TNKS: variants seen among roughly 807,000 people sequenced by gnomAD.
TNKS encodes the protein poly [ADP-ribose] polymerase tankyrase-1.
TNKS carries 72 observed loss-of-function variants against 135.8 expected under a neutral mutation model. That is an observed-to-expected ratio of 0.53 (90% CI 0.44 to 0.64). The LOEUF is 0.64. TNKS is among the 30% of genes least tolerant of loss of function. TNKS has a pLI of 0.00. For missense variants in TNKS, 1,769 were observed against 1,674.0 expected, an observed-to-expected ratio of 1.06 and a Z score of -0.99; for synonymous variants, 849 against 649.3, an observed-to-expected ratio of 1.31 and a Z score of -4.68.
At position 9,615,719 on chromosome 8, in the gene TNKS, C is replaced by T. The variant is rs752068402; in HGVS notation, c.994+42C>T. 84 of 1,469,838 alleles carry T rather than the reference C, an allele frequency of 5.7e-5. No homozygotes were observed. In the Middle Eastern group the frequency reaches 8.6e-4, roughly 15 times the overall value. The allele number at this position is 1,469,838 out of a possible 1,614,324, so 91.0% of individuals were successfully genotyped here. On this transcript the variant is annotated intron_variant, in intron 3 of 26. Coordinates refer to ENST00000310430, the MANE Select transcript of TNKS (RefSeq NM_003747.3). ...CTACCGAATGATTATATCTGTGTAACTCCTTACTTGATTTTATAAAATCTT... is the reference window on the plus strand; with the variant it reads ...CTACCGAATGATTATATCTGTGTAATTCCTTACTTGATTTTATAAAATCTT...
chr8:9,598,248 C>T (rs1415858925), intron 2 of TNKS, among the ~76,000 whole-genome samples: 6 of 151,956 alleles, frequency 3.9e-5, no homozygotes, highest in Non-Finnish European at 7.4e-5. Context: ...GGGGTTTCAC[C>T]GTGTTAGCCA....
intron 5 of TNKS, among the ~76,000 whole-genome samples, chr8:9,697,450 T>C (rs1803570336): frequency 6.6e-6 from 1 of 152,108 alleles, no homozygotes; most frequent in African/African-American, 2.4e-5. Context: ...AACTGACAAG[T>C]GGGACCTAAT....
At chr8:9,629,408 G>A (rs900682438) in intron 3 of TNKS, among the ~76,000 whole-genome samples, 1 of 152,252 alleles carries the variant, frequency 6.6e-6, no homozygotes, top group South Asian at 2.1e-4. Flanking sequence ...ATGTTAACTA[G>A]TTTATTTCAT....
chr8:9,603,040 T>C (rs1482606679), intron 2 of TNKS, among the ~76,000 whole-genome samples: 1 of 152,176 alleles, frequency 6.6e-6, no homozygotes, highest in Non-Finnish European at 1.5e-5. Context: ...CAACTATCAA[T>C]TTTTAAATTT....
chr8:9,691,824 A>G (rs1317229879), intron 5 of TNKS, among the ~76,000 whole-genome samples: 1 of 152,082 alleles, frequency 6.6e-6, no homozygotes, highest in East Asian at 1.9e-4. Context: ...GTCATTGCTT[A>G]TGTTTTCTAT....
intron 2 of TNKS, among the ~76,000 whole-genome samples, chr8:9,610,260 T>G (rs2128763187): frequency 6.6e-6 from 1 of 151,778 alleles, no homozygotes; most frequent in Non-Finnish European, 1.5e-5. Flanking sequence ...TAATGTGTAT[T>G]TTGGATGAAA....
intron 22 of TNKS, 41 bp from the exon 23 acceptor site, chr8:9,764,675 C>A (rs1413285499): frequency 1.3e-5 from 20 of 1,483,408 alleles, no homozygotes; most frequent in Non-Finnish European, 1.8e-5. Context: ...TAGAATTACA[C>A]ACTGGGATGT....
intron 20 of TNKS, among the ~76,000 whole-genome samples, chr8:9,760,583 A>G (rs894625640): frequency 6.6e-6 from 1 of 152,174 alleles, no homozygotes; most frequent in African/African-American, 2.4e-5. Flanking sequence ...AATCTTGTAG[A>G]CTAGTATATG....
At chr8:9,581,670 T>C in intron 2 of TNKS, among the ~76,000 whole-genome samples, 1 of 152,232 alleles carries the variant, frequency 6.6e-6, no homozygotes, top group South Asian at 2.1e-4. Flanking sequence ...GCCACTGGAT[T>C]TTTCTCAGTC....
chr8:9,611,974 G>A (rs530004235), intron 2 of TNKS, among the ~76,000 whole-genome samples: 1 of 152,260 alleles, frequency 6.6e-6, no homozygotes, highest in South Asian at 2.1e-4. Context: ...ATTTGAAGCA[G>A]CTGTTTTTTA....
At chr8:9,716,168 A>G (rs1042804334) in intron 11 of TNKS, among the ~76,000 whole-genome samples, 1 of 152,110 alleles carries the variant, frequency 6.6e-6, no homozygotes, top group African/African-American at 2.4e-5. Flanking sequence ...ATATTGTGAC[A>G]TAATAATTGA....
chr8:9,602,931 C>T (rs992442535), intron 2 of TNKS, among the ~76,000 whole-genome samples: 3 of 152,160 alleles, frequency 2.0e-5, no homozygotes, highest in Non-Finnish European at 4.4e-5. Context: ...ATGATCAATA[C>T]TTGATCTATA....
At chr8:9,710,831 G>C (rs926354913) in intron 11 of TNKS, among the ~76,000 whole-genome samples, 2 of 152,152 alleles carry the variant, frequency 1.3e-5, no homozygotes, top group African/African-American at 4.8e-5. Context: ...GGGAGGCGAA[G>C]CTTGCAGTGA....
At chr8:9,723,644 G>A (rs1805017151) in intron 12 of TNKS, among the ~76,000 whole-genome samples, 1 of 152,048 alleles carries the variant, frequency 6.6e-6, no homozygotes, top group Non-Finnish European at 1.5e-5. Flanking sequence ...TTCCAATATG[G>A]TAGCCACTAG....
intron 2 of TNKS, among the ~76,000 whole-genome samples, chr8:9,587,320 C>T (rs1186273607): frequency 6.6e-6 from 1 of 151,678 alleles, no homozygotes; most frequent in Non-Finnish European, 1.5e-5. Context: ...GGGGGTAGCC[C>T]CAAGAAGATG....
chr8:9,646,562 A>G (rs1800927582), intron 3 of TNKS, among the ~76,000 whole-genome samples: 1 of 152,144 alleles, frequency 6.6e-6, no homozygotes, highest in South Asian at 2.1e-4. Flanking sequence ...ATCTCATAAC[A>G]TGTTCCCTTT....
chr8:9,611,395 C>T (rs1799457919), intron 2 of TNKS, among the ~76,000 whole-genome samples: 1 of 152,118 alleles, frequency 6.6e-6, no homozygotes. Context: ...GGGAACTTTG[C>T]TTCAGGTATT....
chr8:9,594,863 G>A (rs1798715960), intron 2 of TNKS, among the ~76,000 whole-genome samples: 2 of 152,160 alleles, frequency 1.3e-5, no homozygotes, highest in Admixed American at 6.5e-5. Context: ...GACCAAAGAA[G>A]TTTTAGCTAC....
At chr8:9,673,041 A>C (rs995450342) in intron 3 of TNKS, among the ~76,000 whole-genome samples, 3 of 152,196 alleles carry the variant, frequency 2.0e-5, no homozygotes, top group Non-Finnish European at 2.9e-5. Context: ...ATCCAATTTA[A>C]AGAATGTATG....
Sources: allele counts gnomAD v4.1 joint callset (sites outside exome capture counted in the v4.1 genomes callset), GRCh38; gene constraint gnomAD v4.1.1; transcripts MANE v1.5; gene names NCBI Gene and HGNC (gene_info 2026-07-23, HGNC 2026-07-21).